Variants in NALF1 observed in about 807,000 individuals in gnomAD.
The protein encoded by NALF1 is family with sequence similarity 155 member A.
In NALF1, 3 loss-of-function variants were observed where a neutral mutation model predicts 48.4. The ratio of observed to expected loss-of-function variants is 0.06; its 90% confidence interval spans 0.03 to 0.16. The LOEUF is 0.16. Ranked by LOEUF, NALF1 falls within the 10% of genes least tolerant of loss-of-function variation. The pLI is 1.00. For missense variants in NALF1, 526 were observed against 571.5 expected (o/e 0.92, Z 0.81); for synonymous variants, 262 against 245.7 (o/e 1.07, Z -0.62).
At chr13:107,638,782 G>T (rs1485997440) in intron 1 of NALF1, among the ~76,000 whole-genome samples, 1 of 152,120 alleles carries the variant, frequency 6.6e-6, no homozygotes, top group Non-Finnish European at 1.5e-5. Flanking sequence ...GAGGAACTGG[G>T]CTAGGCAAGG....
At chr13:107,446,860 T>C (rs1240696533) in intron 1 of NALF1, among the ~76,000 whole-genome samples, 1 of 152,236 alleles carries the variant, frequency 6.6e-6, no homozygotes, top group Non-Finnish European at 1.5e-5. Context: ...GAAGCATTAA[T>C]GCTTAAAAAT....
intron 1 of NALF1, among the ~76,000 whole-genome samples, chr13:107,394,378 T>G (rs116205595): frequency 0.027 from 4,077 of 152,294 alleles, 94 homozygotes; most frequent in African/African-American, 0.049. Flanking sequence ...TTTTGGTGTT[T>G]AAACTCTCTT....
At chr13:107,278,279 G>A (rs1881319749) in intron 1 of NALF1, among the ~76,000 whole-genome samples, 1 of 152,148 alleles carries the variant, frequency 6.6e-6, no homozygotes, top group Non-Finnish European at 1.5e-5. Context: ...TCCTAAACAT[G>A]TGATCTCATG....
intron 1 of NALF1, among the ~76,000 whole-genome samples, chr13:107,738,680 T>C (rs1038006323): frequency 1.3e-5 from 2 of 152,300 alleles, no homozygotes; most frequent in East Asian, 1.9e-4. Flanking sequence ...CTTTATTTTA[T>C]TTTTGAAATG....
At chr13:107,499,053 A>T (rs1288935356) in intron 1 of NALF1, among the ~76,000 whole-genome samples, 1 of 152,138 alleles carries the variant, frequency 6.6e-6, no homozygotes, top group Non-Finnish European at 1.5e-5. Context: ...GCTTAATGAC[A>T]ATTATACTTC....
chr13:107,613,323 T>G (rs546725187), intron 1 of NALF1, among the ~76,000 whole-genome samples: 1 of 152,280 alleles, frequency 6.6e-6, no homozygotes, highest in African/African-American at 2.4e-5. Context: ...AAAAGAAACC[T>G]GAAAATTGGC....
chr13:107,661,644 G>A (rs1873183798), intron 1 of NALF1, among the ~76,000 whole-genome samples: 1 of 151,662 alleles, frequency 6.6e-6, no homozygotes, highest in African/African-American at 2.4e-5. Context: ...ATTACATAAT[G>A]TTCTGTGAAA....
At chr13:107,658,915 G>A (rs935407964) in intron 1 of NALF1, among the ~76,000 whole-genome samples, 1 of 151,966 alleles carries the variant, frequency 6.6e-6, no homozygotes, top group Non-Finnish European at 1.5e-5. Flanking sequence ...CCCAGTCAAG[G>A]AAGGTAGTGA....
At chr13:107,296,512 T>G (rs1370859729) in intron 1 of NALF1, among the ~76,000 whole-genome samples, 1 of 152,180 alleles carries the variant, frequency 6.6e-6, no homozygotes, top group African/African-American at 2.4e-5. Flanking sequence ...AGGCTTTAGC[T>G]GCCAACTTCA....
At chr13:107,422,316 T>TA (rs1884202736) in intron 1 of NALF1, among the ~76,000 whole-genome samples, 1 of 152,218 alleles carries the variant, frequency 6.6e-6, no homozygotes, top group Non-Finnish European at 1.5e-5. Context: ...TTCATGCTCT[T>TA]ACCTCAGTAC....
intron 1 of NALF1, among the ~76,000 whole-genome samples, chr13:107,704,160 A>T (rs2138513742): frequency 6.6e-6 from 1 of 152,296 alleles, no homozygotes; most frequent in Admixed American, 6.5e-5. Flanking sequence ...ATGTTTTGCT[A>T]TGTAAAATTT....
intron 1 of NALF1, among the ~76,000 whole-genome samples, chr13:107,245,793 C>G (rs139878460): frequency 0.017 from 2,535 of 152,236 alleles, 48 homozygotes; most frequent in African/African-American, 0.046. Context: ...CACCCATTCA[C>G]CATTGAAAGA....
At chr13:107,243,299 TC>T (rs1165271258) in intron 1 of NALF1, among the ~76,000 whole-genome samples, 1 of 152,176 alleles carries the variant, frequency 6.6e-6, no homozygotes, top group Non-Finnish European at 1.5e-5. Flanking sequence ...CTCTACCCCT[TC>T]CTTCTCCTTC....
intron 1 of NALF1, among the ~76,000 whole-genome samples, chr13:107,464,694 A>G (rs1027516757): frequency 6.6e-6 from 1 of 151,868 alleles, no homozygotes; most frequent in Non-Finnish European, 1.5e-5. Context: ...CAAATTTTGT[A>G]TTTTTAGTAG....
At chr13:107,772,121 A>T (rs962599837) in intron 1 of NALF1, among the ~76,000 whole-genome samples, 1 of 152,168 alleles carries the variant, frequency 6.6e-6, no homozygotes, top group Non-Finnish European at 1.5e-5. Context: ...CTTGAAGCAG[A>T]GCACATCTCC....
At chr13:107,595,790 G>A (rs1238134216) in intron 1 of NALF1, among the ~76,000 whole-genome samples, 3 of 152,130 alleles carry the variant, frequency 2.0e-5, no homozygotes, top group Non-Finnish European at 2.9e-5. Context: ...CTCAAGTAAT[G>A]CAGCCTATTT....
At chr13:107,687,482 GAAAT>G (rs1881461943) in intron 1 of NALF1, among the ~76,000 whole-genome samples, 1 of 120,732 alleles carries the variant, frequency 8.3e-6, no homozygotes, top group South Asian at 3.1e-4. Context: ...AAAAAAGAAA[GAAAT>G]TGATCCAGTG....
chr13:107,245,704 T>C (rs972133641), intron 1 of NALF1, among the ~76,000 whole-genome samples: 1 of 152,234 alleles, frequency 6.6e-6, no homozygotes, highest in African/African-American at 2.4e-5. Flanking sequence ...TATTGTTCAA[T>C]TGTTTTTTCC....
chr13:107,356,131 T>A lies in NALF1; in HGVS notation c.916-145376A>T, dbSNP rs747791826. ...GTCATGCTGCTAATACAGGTACAGT[T>A]AGCAGAGTTTAACACCTCAGAAACT... On this transcript the variant is annotated intron_variant, in intron 1 of 2. Transcript: ENST00000375915. 1.6e-4 allele frequency among the ~76,000 whole-genome samples: 25 copies of A among 152,302 alleles called. No individual in the cohort carries two copies. In the South Asian group the frequency reaches 1.9e-3, roughly 11 times the overall value.
Sources: allele counts gnomAD v4.1 joint callset (sites outside exome capture counted in the v4.1 genomes callset), GRCh38; gene constraint gnomAD v4.1.1; transcripts MANE v1.5; gene names NCBI Gene and HGNC (gene_info 2026-07-23, HGNC 2026-07-21).